CPVL: variants seen among roughly 807,000 people sequenced by gnomAD.
CPVL encodes carboxypeptidase vitellogenic like.
In CPVL, 51 loss-of-function variants were observed where a neutral mutation model predicts 63.7. The ratio of observed to expected loss-of-function variants is 0.80; its 90% confidence interval spans 0.64 to 1.01. The LOEUF is 1.01. Ranked by LOEUF, CPVL falls within the 50% of genes least tolerant of loss-of-function variation. The pLI, the probability that CPVL is intolerant of heterozygous loss-of-function variation, is 0.00. For synonymous variants in CPVL, 195 were observed against 206.0 expected (o/e 0.95, Z 0.46); for missense variants, 530 against 573.1 (o/e 0.92, Z 0.77).
At chr7:29,168,548 A>G (rs2128721439) in intron 5 of CPVL, among the ~76,000 whole-genome samples, 1 of 152,238 alleles carries the variant, frequency 6.6e-6, no homozygotes, top group African/African-American at 2.4e-5. Context: ...CAGACATCCT[A>G]TAGTTTCATC....
chr7:29,083,693 G>T (rs1043190951), intron 7 of CPVL, among the ~76,000 whole-genome samples: 1 of 152,192 alleles, frequency 6.6e-6, no homozygotes, highest in African/African-American at 2.4e-5. Context: ...AGGGCACCCA[G>T]GTCCAGCCAC....
rs971158427 is a variant in CPVL, at chr7:29,135,394, C to T, written c.-11+11035G>A. ...TCGCCCAGGCTGGAGTGCAGTGGCG[C>T]GATCTTGGCTCACTGCAACCTCCAC... On this transcript the variant is annotated intron_variant, in intron 1 of 12. Transcript: ENST00000265394. 4.6e-5 allele frequency among the ~76,000 whole-genome samples: 7 copies of T among 151,232 alleles called. 1 individual carries two copies. Among genetic ancestry groups the T allele is most frequent in the Admixed American group, 4.6e-4 (7 of 15,218 alleles).
chr7:29,010,056 G>A (rs1000153231), intron 12 of CPVL: 4 of 152,152 alleles, frequency 2.6e-5, no homozygotes, highest in African/African-American at 7.2e-5. Context: ...CTGAAAAACA[G>A]TATGTGGGGA....
At chr7:29,109,696 C>T (rs1788065723) in intron 3 of CPVL, among the ~76,000 whole-genome samples, 1 of 152,142 alleles carries the variant, frequency 6.6e-6, no homozygotes, top group Non-Finnish European at 1.5e-5. Flanking sequence ...CCCGAAGCTT[C>T]ATCTATCACT....
intron 12 of CPVL, among the ~76,000 whole-genome samples, chr7:29,017,591 C>T (rs1362401363): frequency 1.3e-5 from 2 of 152,172 alleles, no homozygotes; most frequent in Non-Finnish European, 1.5e-5. Flanking sequence ...CAAGATCATG[C>T]CACTGCATTC....
At chr7:29,103,969 G>C (rs900477997) in intron 3 of CPVL, among the ~76,000 whole-genome samples, 1 of 152,132 alleles carries the variant, frequency 6.6e-6, no homozygotes, top group African/African-American at 2.4e-5. Flanking sequence ...CTCCCATTTT[G>C]CCATACAGAT....
chr7:29,166,652 A>G (rs1422547062), intron 5 of CPVL, among the ~76,000 whole-genome samples: 1 of 152,120 alleles, frequency 6.6e-6, no homozygotes, highest in Non-Finnish European at 1.5e-5. Context: ...TATGGCAAAA[A>G]AGATGGTTGT....
intron 12 of CPVL, among the ~76,000 whole-genome samples, chr7:29,015,962 T>C (rs24650): frequency 0.44 from 67,225 of 152,062 alleles, 16,420 homozygotes; most frequent in African/African-American, 0.66. Context: ...AAGTGTGTGG[T>C]AGACCGTGGC....
In CPVL at chr7:29,034,853, G is replaced by GAAA. The variant is rs60558791; in HGVS notation, c.1138-4097_1138-4095dup. ...CCCAGCCTAGAATGCTTTTATAATGGAAAAAAAAAAAAAAAAGAACAATAA... is the reference window on the plus strand; with the variant it reads ...CCCAGCCTAGAATGCTTTTATAATGGAAAAAAAAAAAAAAAAAAAGAACAATAA... On this transcript the variant is annotated intron_variant, in intron 11 of 12. Transcript: ENST00000265394. Among the ~76,000 whole-genome samples, 30 of 123,982 alleles carry GAAA rather than the reference G, an allele frequency of 2.4e-4. 1 individual carries two copies. The highest frequency in any genetic ancestry group is 3.9e-4 in the Non-Finnish European group (23 of 58,318). 81.3% of individuals were successfully genotyped at this position (123,982 alleles called of 152,430 possible). A position where few individuals can be genotyped will look rare whatever the true frequency, so the allele number is the denominator to read the frequency against.
intron 2 of CPVL, among the ~76,000 whole-genome samples, chr7:29,115,698 T>C (rs533056086): frequency 6.7e-6 from 1 of 150,230 alleles, no homozygotes; most frequent in African/African-American, 2.4e-5. Context: ...GAGTGAGATG[T>C]GGACCACAGA....
chr7:29,118,374 C>A (rs2128637454), intron 2 of CPVL, among the ~76,000 whole-genome samples: 1 of 152,332 alleles, frequency 6.6e-6, no homozygotes, highest in Non-Finnish European at 1.5e-5. Context: ...GTTAAGGAAG[C>A]TGAAATACGT....
chr7:29,159,236 T>C (rs917311), intron 5 of CPVL, among the ~76,000 whole-genome samples: 6,363 of 152,222 alleles, frequency 0.042, 203 homozygotes, highest in Non-Finnish European at 0.067. Flanking sequence ...TTATTCAGCT[T>C]CTTCCACTTG....
chr7:29,180,175 T>C (rs1004735164), intron 5 of CPVL, among the ~76,000 whole-genome samples: 4 of 152,192 alleles, frequency 2.6e-5, no homozygotes, highest in African/African-American at 9.7e-5. Context: ...ACATCAAACA[T>C]TTTAATAATA....
At chr7:29,076,083 A>G (rs1046114253) in intron 7 of CPVL, among the ~76,000 whole-genome samples, 2 of 149,512 alleles carry the variant, frequency 1.3e-5, no homozygotes, top group Admixed American at 1.4e-4. Context: ...AGTGTGTTTT[A>G]TTTTACCTCA....
chr7:29,142,303 C>T (rs1791972872), intron 1 of CPVL, among the ~76,000 whole-genome samples: 1 of 152,174 alleles, frequency 6.6e-6, no homozygotes, highest in Non-Finnish European at 1.5e-5. Context: ...AAGATCTTAT[C>T]CTTTTTTCTC....
chr7:29,041,057 C>T (rs1245258566), intron 11 of CPVL, among the ~76,000 whole-genome samples: 2 of 151,630 alleles, frequency 1.3e-5, no homozygotes, highest in African/African-American at 2.4e-5. Flanking sequence ...GTTTCAGGGT[C>T]TGCTCTCATG....
chr7:29,087,253 A>T (rs2128598415), intron 6 of CPVL, among the ~76,000 whole-genome samples: 2 of 152,014 alleles, frequency 1.3e-5, no homozygotes, highest in South Asian at 4.2e-4. Flanking sequence ...GTGAAACCCC[A>T]TCTCTACTAA....
chr7:29,161,694 A>T (rs1452761797), intron 5 of CPVL, among the ~76,000 whole-genome samples: 1 of 152,238 alleles, frequency 6.6e-6, no homozygotes, highest in Non-Finnish European at 1.5e-5. Context: ...ATACTTAAAA[A>T]TTAAAAACTT....
At chr7:29,166,860 G>GA (rs1394691956) in intron 5 of CPVL, among the ~76,000 whole-genome samples, 1 of 151,640 alleles carries the variant, frequency 6.6e-6, no homozygotes, top group African/African-American at 2.4e-5. Context: ...GTACCTTCTT[G>GA]AACATTTGAA....
Sources: gnomAD v4.1 joint callset for allele counts (sites outside exome capture counted in the v4.1 genomes callset) on GRCh38, gnomAD v4.1.1 for gene constraint, MANE v1.5 for transcripts, NCBI Gene and HGNC (gene_info 2026-07-23, HGNC 2026-07-21) for gene names.